Variants in ZNF264 observed in about 807,000 individuals in gnomAD.
The protein encoded by ZNF264 is zinc finger protein 264.
A neutral mutation model predicts 11.2 loss-of-function variants in ZNF264; 11 were observed. That is an observed-to-expected ratio of 0.98 (90% CI 0.62 to 1.63). ZNF264 has a LOEUF of 1.63. Ranked by LOEUF, ZNF264 falls within the 40% of genes most tolerant of loss-of-function variation. The pLI is 0.00. For synonymous variants in ZNF264, 309 were observed against 279.8 expected, an observed-to-expected ratio of 1.10 and a Z score of -1.04; for missense variants, 752 against 768.1, an observed-to-expected ratio of 0.98 and a Z score of 0.25.
intron 2 of ZNF264, among the ~76,000 whole-genome samples, chr19:57,198,686 G>T (rs887257608): frequency 2.0e-5 from 3 of 151,802 alleles, no homozygotes; most frequent in Admixed American, 1.3e-4. Context: ...TGATGTTTTG[G>T]GTCCCCTGGA....
intron 2 of ZNF264, among the ~76,000 whole-genome samples, chr19:57,203,796 C>T (rs1164448491): frequency 6.6e-6 from 1 of 152,202 alleles, no homozygotes; most frequent in Non-Finnish European, 1.5e-5. Context: ...TCACTACCCA[C>T]CACCCACTCT....
At chr19:57,202,669 G>A (rs528677863) in intron 2 of ZNF264, among the ~76,000 whole-genome samples, 3 of 151,978 alleles carry the variant, frequency 2.0e-5, no homozygotes, top group South Asian at 4.1e-4. Context: ...CCCAGGAAGG[G>A]CATGGAAGCT....
chr19:57,194,795 A>G lies in ZNF264; in HGVS notation c.160+794A>G, dbSNP rs188103911. The G allele has an allele frequency of 1.0e-3, 413 of 400,224 alleles. 6 individuals are homozygous for G. The highest frequency in any genetic ancestry group is 8.1e-3 in the African/African-American group (394 of 48,766). 24.8% of individuals were successfully genotyped at this position (400,224 alleles called of 1,614,324 possible). ...ACCTTTACAGACACACCCAGGATCA[A>G]TACGTTGCATCCTTCAATCCAATCA... On this transcript the variant is annotated intron_variant, in intron 2 of 3. Coordinates refer to ENST00000263095, the MANE Select transcript of ZNF264 (RefSeq NM_003417.5).
At chr19:57,193,543 A>G in intron 1 of ZNF264, 1 of 985,292 alleles carries the variant, frequency 1.0e-6, no homozygotes. Flanking sequence ...AGACTCAGGT[A>G]CTGCCGTTGT....
chr19:57,203,455 T>C (rs1332167706), intron 2 of ZNF264, among the ~76,000 whole-genome samples: 1 of 152,178 alleles, frequency 6.6e-6, no homozygotes, highest in Non-Finnish European at 1.5e-5. Context: ...AAAATATGAC[T>C]ACTGTATTTT....
intron 3 of ZNF264, among the ~76,000 whole-genome samples, chr19:57,206,728 T>C (rs2087295888): frequency 6.6e-6 from 1 of 151,824 alleles, no homozygotes; most frequent in African/African-American, 2.4e-5. Flanking sequence ...CCAATTTCTC[T>C]TTCCACTTAT....
chr19:57,202,480 G>A (rs1020961975), intron 2 of ZNF264, among the ~76,000 whole-genome samples: 3 of 151,734 alleles, frequency 2.0e-5, no homozygotes, highest in African/African-American at 7.3e-5. Flanking sequence ...GGGTATGTTA[G>A]GCCTCAGGGT....
chr19:57,196,599 T>C (rs2087213352), intron 2 of ZNF264, among the ~76,000 whole-genome samples: 1 of 151,964 alleles, frequency 6.6e-6, no homozygotes, highest in South Asian at 2.1e-4. Flanking sequence ...ATGACCATTT[T>C]GTTCATGGGC....
At chr19:57,205,963 A>G (rs2087289093) in intron 3 of ZNF264, among the ~76,000 whole-genome samples, 1 of 152,224 alleles carries the variant, frequency 6.6e-6, no homozygotes, top group Admixed American at 6.5e-5. Context: ...TCTGTACGAC[A>G]CAGTTATTCA....
At chr19:57,207,870 G>T (rs1473780631) in intron 3 of ZNF264, among the ~76,000 whole-genome samples, 12 of 152,002 alleles carry the variant, frequency 7.9e-5, no homozygotes, top group Non-Finnish European at 1.0e-4. Context: ...GGGATTATAG[G>T]TGCATGCCAC....
chr19:57,208,785 C>T (rs1246544185), intron 3 of ZNF264, among the ~76,000 whole-genome samples: 1 of 152,058 alleles, frequency 6.6e-6, no homozygotes, highest in Non-Finnish European at 1.5e-5. Context: ...AGAGCTTATG[C>T]CAATTTGCAC....
rs1363099787 is a variant in ZNF264 at position 57,211,770 on chromosome 19, C to A, written c.673C>A (p.His225Asn). Residue 225 changes from histidine (H) to asparagine (N), a missense_variant, in exon 4 of 4, where the codon CAC becomes AAC. Physicochemically the swap from His to Asn is moderately conservative, Grantham distance 68 (BLOSUM62 1). Transcript: ENST00000263095. ...KHLLAGHEKIHSGVKPYECTE... is the reference protein window; with the variant it reads ...KHLLAGHEKINSGVKPYECTE... ...CCTCCTTGCTGGACATGAGAAAATT[C>A]ACTCTGGAGTTAAGCCCTATGAATG... is the stretch of plus-strand genomic sequence containing the variant. The A allele has an allele frequency of 6.2e-7, 1 of 1,614,108 alleles. No individual in the cohort carries two copies. Among genetic ancestry groups the A allele is most frequent in the African/African-American group, 1.3e-5 (1 of 74,944 alleles).
Position 57,191,870 on chromosome 19 carries a change from C to T in ZNF264, c.-44C>T. 1 of 1,309,382 alleles carries T rather than the reference C, an allele frequency of 7.6e-7. No individual in the cohort carries two copies. Among genetic ancestry groups the T allele is most frequent in the Non-Finnish European group, 9.7e-7 (1 of 1,027,472 alleles). The allele number at this position is 1,309,382 out of a possible 1,614,324, so 81.1% of individuals were successfully genotyped here. A position where few individuals can be genotyped will look rare whatever the true frequency, so the allele number is the denominator to read the frequency against. ...GCACAGGTGGGGTCCGTCAGGCCGC[C>T]CGGGGCTCCTCTGTCCCAGCTCTGC... On this transcript the variant is annotated 5_prime_UTR_variant, in exon 1 of 4. Coordinates refer to ENST00000263095, the MANE Select transcript of ZNF264 (RefSeq NM_003417.5).
In ZNF264 at chr19:57,215,276, A is replaced by G. The variant is rs1352618048; in HGVS notation, c.*2295A>G. 6.6e-6 allele frequency: 1 copy of G among 152,192 alleles called. No individual in the cohort carries two copies. The allele number at this position is 152,192 out of a possible 1,614,324, so 9.4% of individuals were successfully genotyped here. A position where few individuals can be genotyped will look rare whatever the true frequency, so the allele number is the denominator to read the frequency against. ...ATTCGAAGTATCTATTTCTTGTGTA[A>G]TAAATTTTGATAGTCTGTCCTGTTG... On this transcript the variant is annotated 3_prime_UTR_variant, in exon 4 of 4. Transcript: ENST00000263095.
chr19:57,214,863 A>G lies in ZNF264; in HGVS notation c.*1882A>G, dbSNP rs577706171. ...TTGATGGAATGTATTGCTTTGATCA[A>G]GTTTTGAATATTGAGCCAGCCTTGC... On this transcript the variant is annotated 3_prime_UTR_variant, in exon 4 of 4. Transcript: ENST00000263095. 2.6e-5 allele frequency: 4 copies of G among 152,280 alleles called. No homozygotes were observed. The highest frequency in any genetic ancestry group is 9.6e-5 in the African/African-American group (4 of 41,560). The allele number at this position is 152,280 out of a possible 1,614,324, so 9.4% of individuals were successfully genotyped here.
At chr19:57,199,845 C>A (rs1568472942) in intron 2 of ZNF264, among the ~76,000 whole-genome samples, 1 of 151,786 alleles carries the variant, frequency 6.6e-6, no homozygotes, top group Non-Finnish European at 1.5e-5. Flanking sequence ...GCAACTGCCT[C>A]AGGGGAGGCC....
rs1599943038 is a variant in ZNF264, at chr19:57,192,032, G to T, written c.33+86G>T. On this transcript the variant is annotated intron_variant, in intron 1 of 3. Transcript: ENST00000263095. Reference sequence around the variant, plus strand: ...GTGGGTGGGAGCCCAGGTATCCCCTGGATTTGTCTTCGCAGTCGTCGTTCG... The same window carrying T: ...GTGGGTGGGAGCCCAGGTATCCCCTTGATTTGTCTTCGCAGTCGTCGTTCG... The T allele has an allele frequency of 2.3e-6, 3 of 1,282,390 alleles. No homozygotes were observed. In the East Asian group the frequency reaches 8.8e-5, roughly 38 times the overall value. 79.4% of individuals were successfully genotyped at this position (1,282,390 alleles called of 1,614,324 possible).
At chr19:57,204,631 A>G (rs1255379814) in intron 2 of ZNF264, among the ~76,000 whole-genome samples, 1 of 152,172 alleles carries the variant, frequency 6.6e-6, no homozygotes, top group African/African-American at 2.4e-5. Flanking sequence ...TTCTCTTTAT[A>G]AATTACCCAG....
chr19:57,201,862 T>C (rs2087255742), intron 2 of ZNF264, among the ~76,000 whole-genome samples: 1 of 151,786 alleles, frequency 6.6e-6, no homozygotes, highest in African/African-American at 2.4e-5. Flanking sequence ...AGTGAGCTGA[T>C]CTTCAGCCTT....
Sources: gnomAD v4.1 joint callset for allele counts (sites outside exome capture counted in the v4.1 genomes callset) on GRCh38, gnomAD v4.1.1 for gene constraint, MANE v1.5 for transcripts, NCBI Gene and HGNC (gene_info 2026-07-23, HGNC 2026-07-21) for gene names.